The following PID1 variants were observed in gnomAD, a reference collection of about 807,000 sequenced individuals.
The protein encoded by PID1 is phosphotyrosine interaction domain containing 1.
A neutral mutation model predicts 19.1 loss-of-function variants in PID1; 10 were observed. The ratio of observed to expected loss-of-function variants is 0.52; its 90% confidence interval spans 0.32 to 0.89. The LOEUF (loss-of-function observed/expected upper bound fraction) is 0.89, where lower values mean the gene tolerates loss of function less well. Among genes scored for constraint, PID1 ranks in the 40% least tolerant of loss-of-function variants. The pLI is 0.03. For synonymous variants in PID1, 130 were observed against 116.0 expected (o/e 1.12, Z -0.78); for missense variants, 248 against 285.3 (o/e 0.87, Z 0.94).
At chr2:229,054,726 G>C (rs988248395) in intron 2 of PID1, among the ~76,000 whole-genome samples, 3 of 128,572 alleles carry the variant, frequency 2.3e-5, no homozygotes, top group South Asian at 6.7e-4. Flanking sequence ...GTGTGGGGGG[G>C]GGGGGGGGTC....
At chr2:229,228,737 A>ATTT (rs370158389) in intron 1 of PID1, among the ~76,000 whole-genome samples, 8 of 151,306 alleles carry the variant, frequency 5.3e-5, no homozygotes, top group Admixed American at 5.3e-4. Flanking sequence ...ACAAAAAGGT[A>ATTT]TCTGCTAAAA....
chr2:229,083,923 T>C (rs937924767), intron 2 of PID1, among the ~76,000 whole-genome samples: 4 of 151,780 alleles, frequency 2.6e-5, no homozygotes, highest in Admixed American at 6.6e-5. Context: ...AGCTAAGGAG[T>C]TCAATGGCTC....
intron 2 of PID1, among the ~76,000 whole-genome samples, chr2:229,117,914 A>C (rs922889099): frequency 1.3e-5 from 2 of 152,112 alleles, no homozygotes; most frequent in African/African-American, 2.4e-5. Context: ...GTAGGAGCTC[A>C]TGGTACCCTG....
At chr2:229,110,883 GT>G (rs1310714846) in intron 2 of PID1, among the ~76,000 whole-genome samples, 2 of 152,032 alleles carry the variant, frequency 1.3e-5, no homozygotes, top group Non-Finnish European at 2.9e-5. Flanking sequence ...GGCTCATATG[GT>G]TTGGCTATGT....
At chr2:229,180,916 C>G (rs900580407) in intron 1 of PID1, among the ~76,000 whole-genome samples, 3 of 152,228 alleles carry the variant, frequency 2.0e-5, no homozygotes, top group African/African-American at 7.2e-5. Context: ...ACTGCTGTTT[C>G]ACTGGACGCC....
At chr2:229,188,126 C>T (rs1691175498) in intron 1 of PID1, among the ~76,000 whole-genome samples, 1 of 152,004 alleles carries the variant, frequency 6.6e-6, no homozygotes. Flanking sequence ...AGCAGTGTGG[C>T]TGAGGTAAGA....
At chr2:229,049,000 G>A (rs543136901) in intron 2 of PID1, among the ~76,000 whole-genome samples, 1 of 152,268 alleles carries the variant, frequency 6.6e-6, no homozygotes, top group Non-Finnish European at 1.5e-5. Context: ...GATTAGCAAT[G>A]CAAAAGAAGA....
At chr2:229,112,589 C>T (rs1398225668) in intron 2 of PID1, among the ~76,000 whole-genome samples, 2 of 152,094 alleles carry the variant, frequency 1.3e-5, no homozygotes, top group African/African-American at 4.8e-5. Context: ...GGGTTCATGC[C>T]ATTCTCCTGC....
chr2:229,029,839 C>A (rs990186826), intron 2 of PID1, among the ~76,000 whole-genome samples: 635 of 113,568 alleles, frequency 5.6e-3, no homozygotes, highest in African/African-American at 5.7e-3. Context: ...CACTCCGTCT[C>A]AAAAAAAAAA....
Position 229,106,413 on chromosome 2 carries a change from A to G in PID1, c.177+49405T>C, listed in dbSNP as rs1245812712. Among the ~76,000 whole-genome samples the G allele has an allele frequency of 5.3e-5, 8 of 152,218 alleles. No homozygotes were observed. The East Asian group carries it at 1.5e-3, about 29-fold the overall frequency. On this transcript the variant is annotated intron_variant, in intron 2 of 2. Coordinates refer to ENST00000392055, the MANE Select transcript of PID1 (RefSeq NM_001100818.2). ...TGCAAAGAACAGGGTATTTGCATGA[A>G]TTATTCTTTTGCAGCAATTGTGGTC...
chr2:229,271,266 G>A lies in PID1; in HGVS notation c.-223C>T. The A allele has an allele frequency of 2.5e-6, 1 of 394,096 alleles. No homozygotes were observed. The highest frequency in any genetic ancestry group is 4.5e-5 in the East Asian group (1 of 22,156). The allele number at this position is 394,096 out of a possible 1,614,324, so 24.4% of individuals were successfully genotyped here. On this transcript the variant is annotated 5_prime_UTR_variant, in exon 1 of 3. Coordinates refer to ENST00000392055, the MANE Select transcript of PID1 (RefSeq NM_001100818.2). ...GGCACGGCCGCGCGCCGGCTGTCCT[G>A]GCGCAGCTGCGAGAGGACTGCGCAG...
intron 1 of PID1, among the ~76,000 whole-genome samples, chr2:229,199,720 T>TTATATATATATATA (rs55942947): frequency 9.1e-5 from 12 of 132,170 alleles, no homozygotes; most frequent in African/African-American, 2.5e-4. Flanking sequence ...AATATCTAAT[T>TTATATATATATATA]TATATATATA....
At chr2:229,060,798 T>A (rs1694197339) in intron 2 of PID1, among the ~76,000 whole-genome samples, 1 of 152,120 alleles carries the variant, frequency 6.6e-6, no homozygotes, top group Admixed American at 6.6e-5. Flanking sequence ...CTGTCTTTTT[T>A]TAAAAATAGC....
At chr2:229,125,751 T>C (rs1695610370) in intron 2 of PID1, among the ~76,000 whole-genome samples, 1 of 152,206 alleles carries the variant, frequency 6.6e-6, no homozygotes, top group Admixed American at 6.5e-5. Flanking sequence ...GAACATTGCA[T>C]GTTTTTCATA....
chr2:229,247,675 G>A (rs1226999), intron 1 of PID1, among the ~76,000 whole-genome samples: 149,937 of 152,320 alleles, frequency 0.98, 73,860 homozygotes, highest in East Asian at 1. Context: ...TACTTTTGCC[G>A]GATACTAGGC....
intron 2 of PID1, among the ~76,000 whole-genome samples, chr2:229,051,519 G>C (rs943033188): frequency 6.6e-6 from 1 of 151,914 alleles, no homozygotes; most frequent in Non-Finnish European, 1.5e-5. Flanking sequence ...TGTATTTTTA[G>C]TAGAGACAGG....
chr2:229,131,196 T>TTTTTC (rs376715362), intron 2 of PID1, among the ~76,000 whole-genome samples: 47 of 151,968 alleles, frequency 3.1e-4, no homozygotes, highest in South Asian at 6.3e-4. Flanking sequence ...AAATACTACA[T>TTTTTC]TTTTCTTTTC....
intron 2 of PID1, among the ~76,000 whole-genome samples, chr2:229,136,736 T>C (rs1038352736): frequency 7.2e-5 from 11 of 152,210 alleles, no homozygotes; most frequent in Non-Finnish European, 1.3e-4. Flanking sequence ...ACAAAGGAAA[T>C]TATTAGTGCT....
chr2:229,049,530 T>C (rs1207515273), intron 2 of PID1, among the ~76,000 whole-genome samples: 1 of 152,190 alleles, frequency 6.6e-6, no homozygotes, highest in Non-Finnish European at 1.5e-5. Flanking sequence ...AAACATACCA[T>C]GAGCAATTAT....
Sources: allele counts gnomAD v4.1 joint callset (sites outside exome capture counted in the v4.1 genomes callset), GRCh38; gene constraint gnomAD v4.1.1; transcripts MANE v1.5; gene names NCBI Gene and HGNC (gene_info 2026-07-23, HGNC 2026-07-21).